The following PDE4D variants were observed in gnomAD, a reference collection of about 807,000 sequenced individuals.
PDE4D encodes the protein phosphodiesterase 4D, also known as 3',5'-cyclic-AMP phosphodiesterase 4D.
In PDE4D, 24 loss-of-function variants were observed where a neutral mutation model predicts 87.4. That is an observed-to-expected ratio of 0.27 (90% CI 0.20 to 0.39). The LOEUF is 0.39. Among genes scored for constraint, PDE4D ranks in the 10% least tolerant of loss-of-function variants. The pLI is 1.00. For missense variants in PDE4D, 714 were observed against 1,041.0 expected, an observed-to-expected ratio of 0.69 and a Z score of 4.32; for synonymous variants, 384 against 383.2, an observed-to-expected ratio of 1.00 and a Z score of -0.02.
intron 6 of PDE4D, among the ~76,000 whole-genome samples, chr5:59,012,845 C>T (rs914306691): frequency 2.0e-5 from 3 of 152,154 alleles, no homozygotes; most frequent in East Asian, 1.9e-4. Flanking sequence ...ATCAACAGAA[C>T]ATACATTCTT....
intron 5 of PDE4D, among the ~76,000 whole-genome samples, chr5:59,109,948 T>C (rs768175072): frequency 6.6e-6 from 1 of 152,132 alleles, no homozygotes; most frequent in Non-Finnish European, 1.5e-5. Flanking sequence ...GTGCTGCCCA[T>C]GGAGAGAGGG....
At chr5:59,093,243 C>A (rs140682018) in intron 5 of PDE4D, among the ~76,000 whole-genome samples, 2 of 152,114 alleles carry the variant, frequency 1.3e-5, no homozygotes, top group African/African-American at 4.8e-5. Flanking sequence ...AGGAGTTTAG[C>A]GAGGGGCTGA....
intron 1 of PDE4D, among the ~76,000 whole-genome samples, chr5:59,705,043 A>G (rs1753184115): frequency 1.3e-5 from 2 of 152,210 alleles, no homozygotes; most frequent in Non-Finnish European, 2.9e-5. Context: ...GGATAAACAC[A>G]AAAAGAAATG....
intron 2 of PDE4D, among the ~76,000 whole-genome samples, chr5:60,145,692 A>G (rs754206477): frequency 6.6e-6 from 1 of 152,198 alleles, no homozygotes; most frequent in Non-Finnish European, 1.5e-5. Context: ...TACTTGGAGA[A>G]ATAACAAATG....
chr5:59,188,001 C>A (rs543524618), intron 3 of PDE4D, among the ~76,000 whole-genome samples: 2 of 151,904 alleles, frequency 1.3e-5, no homozygotes, highest in Admixed American at 1.3e-4. Context: ...CATTGCAGGG[C>A]ACAAAGAGGG....
chr5:59,562,116 A>C (rs1269242363), intron 1 of PDE4D, among the ~76,000 whole-genome samples: 1 of 152,052 alleles, frequency 6.6e-6, no homozygotes, highest in East Asian at 1.9e-4. Context: ...AATACAGAGA[A>C]AGCCCAAAGT....
intron 1 of PDE4D, among the ~76,000 whole-genome samples, chr5:60,196,713 G>T (rs1050705818): frequency 4.0e-5 from 6 of 151,640 alleles, no homozygotes; most frequent in Non-Finnish European, 5.9e-5. Context: ...ATAGCAAGAT[G>T]ATCCCCATAA....
chr5:59,656,370 A>T (rs983942453), intron 1 of PDE4D, among the ~76,000 whole-genome samples: 5 of 152,192 alleles, frequency 3.3e-5, no homozygotes, highest in African/African-American at 1.2e-4. Flanking sequence ...AGGGAGGGGA[A>T]GTTATGTGAC....
At chr5:59,180,670 C>T in intron 4 of PDE4D, 26 bp from the exon 5 acceptor site, 1 of 1,605,948 alleles carries the variant, frequency 6.2e-7, no homozygotes, top group Non-Finnish European at 8.5e-7. Flanking sequence ...AAACACAAAG[C>T]AGTAAATATG....
intron 1 of PDE4D, among the ~76,000 whole-genome samples, chr5:60,300,369 G>GC (rs1753785392): frequency 6.6e-6 from 1 of 151,204 alleles, no homozygotes; most frequent in Admixed American, 6.6e-5. Flanking sequence ...TCTGATGATA[G>GC]TTTTTTTTTG....
At chr5:59,013,722 A>T (rs1753342581) in intron 6 of PDE4D, among the ~76,000 whole-genome samples, 1 of 152,224 alleles carries the variant, frequency 6.6e-6, no homozygotes, top group South Asian at 2.1e-4. Flanking sequence ...AGGTACAAAG[A>T]GGAGTTGGTA....
intron 3 of PDE4D, among the ~76,000 whole-genome samples, chr5:59,192,216 C>T (rs1001771525): frequency 6.6e-6 from 1 of 152,038 alleles, no homozygotes; most frequent in African/African-American, 2.4e-5. Flanking sequence ...ACCCTATTAT[C>T]CATTTAAAAA....
chr5:60,354,671 T>C (rs1430792659), intron 1 of PDE4D, among the ~76,000 whole-genome samples: 1 of 152,188 alleles, frequency 6.6e-6, no homozygotes, highest in Non-Finnish European at 1.5e-5. Flanking sequence ...GGTTGGGGCA[T>C]TCTGAACCAT....
At chr5:59,311,982 C>A (rs1229082520) in intron 1 of PDE4D, among the ~76,000 whole-genome samples, 1 of 152,160 alleles carries the variant, frequency 6.6e-6, no homozygotes, top group African/African-American at 2.4e-5. Flanking sequence ...GGAAAAACTA[C>A]CTCCTCCTTT....
At chr5:59,735,474 T>C (rs571849090) in intron 1 of PDE4D, among the ~76,000 whole-genome samples, 1 of 152,312 alleles carries the variant, frequency 6.6e-6, no homozygotes, top group East Asian at 1.9e-4. Flanking sequence ...GTCAGTGGAA[T>C]AGGACTCTTC....
chr5:59,966,395 T>C (rs1364207761), intron 3 of PDE4D, among the ~76,000 whole-genome samples: 3 of 152,190 alleles, frequency 2.0e-5, no homozygotes, highest in African/African-American at 7.2e-5. Context: ...CAAAAACCTA[T>C]ATTTTTACAT....
chr5:60,021,578 T>C (rs1280813933), intron 2 of PDE4D, among the ~76,000 whole-genome samples: 2 of 152,146 alleles, frequency 1.3e-5, no homozygotes, highest in South Asian at 2.1e-4. Context: ...AAATGACACA[T>C]TTGAGGGTAC....
At chr5:59,788,406 T>G (rs1303132918) in intron 1 of PDE4D, among the ~76,000 whole-genome samples, 1 of 152,246 alleles carries the variant, frequency 6.6e-6, no homozygotes, top group African/African-American at 2.4e-5. Flanking sequence ...ATATGGCAGC[T>G]GCACTTGAAT....
chr5:60,279,728 G>T (rs1751711157), intron 1 of PDE4D, among the ~76,000 whole-genome samples: 1 of 146,484 alleles, frequency 6.8e-6, no homozygotes. Context: ...ACTATCCCCT[G>T]GGCTGGAGTG....
Sources: gnomAD v4.1 joint callset for allele counts (sites outside exome capture counted in the v4.1 genomes callset) on GRCh38, gnomAD v4.1.1 for gene constraint, MANE v1.5 for transcripts, NCBI Gene and HGNC (gene_info 2026-07-23, HGNC 2026-07-21) for gene names.